The following NR3C2 variants were observed in gnomAD, a reference collection of about 807,000 sequenced individuals.
NR3C2 encodes mineralocorticoid receptor.
In NR3C2, 15 loss-of-function variants were observed where a neutral mutation model predicts 86.4. The ratio of observed to expected loss-of-function variants is 0.17; its 90% CI spans 0.12 to 0.27. The LOEUF (loss-of-function observed/expected upper bound fraction) is 0.27. NR3C2 is among the 10% of genes least tolerant of loss of function. The pLI is 1.00. For synonymous variants in NR3C2, 458 were observed against 450.5 expected (o/e 1.02, Z -0.21); for missense variants, 960 against 1,195.6 (o/e 0.80, Z 2.91).
intron 2 of NR3C2, among the ~76,000 whole-genome samples, chr4:148,276,503 C>T (rs1158988302): frequency 6.6e-6 from 1 of 152,120 alleles, no homozygotes; most frequent in Non-Finnish European, 1.5e-5. Flanking sequence ...TAAACTAATA[C>T]TGGTATTACA....
intron 3 of NR3C2, among the ~76,000 whole-genome samples, chr4:148,234,649 C>T (rs758735399): frequency 8.7e-4 from 128 of 147,818 alleles, no homozygotes; most frequent in Non-Finnish European, 1.6e-3. Context: ...CGCCACTGTA[C>T]TCCAACCTGG....
intron 2 of NR3C2, among the ~76,000 whole-genome samples, chr4:148,402,208 T>C (rs1223196688): frequency 1.3e-5 from 2 of 152,210 alleles, no homozygotes; most frequent in South Asian, 4.1e-4. Context: ...AATTACCTTC[T>C]AGGCTTTGAA....
In NR3C2 at chr4:148,362,560, G is replaced by A. The variant is rs532261360; in HGVS notation, c.1757+72544C>T. 6.2e-4 allele frequency among the ~76,000 whole-genome samples: 94 copies of A among 152,016 alleles called. 1 individual carries two copies. Among genetic ancestry groups the A allele is most frequent in the Non-Finnish European group, 1.0e-3 (71 of 67,996 alleles). ...TGTTCTATTATTTCCATTCACTTAC[G>A]GAATTGTACATATTCACTCCCGCTT... On this transcript the variant is annotated intron_variant, in intron 2 of 8. Transcript: ENST00000358102.
intron 3 of NR3C2, among the ~76,000 whole-genome samples, chr4:148,231,597 C>T (rs1738465833): frequency 6.6e-6 from 1 of 152,116 alleles, no homozygotes; most frequent in Admixed American, 6.6e-5. Context: ...AGAGTCTTGC[C>T]TCGATGTTGA....
intron 3 of NR3C2, among the ~76,000 whole-genome samples, chr4:148,195,262 G>A (rs1736387776): frequency 6.6e-6 from 1 of 152,118 alleles, no homozygotes; most frequent in African/African-American, 2.4e-5. Context: ...TGACTTCACT[G>A]GGATTTCATA....
chr4:148,351,423 G>A (rs1745268450), intron 2 of NR3C2, among the ~76,000 whole-genome samples: 1 of 152,178 alleles, frequency 6.6e-6, no homozygotes, highest in African/African-American at 2.4e-5. Flanking sequence ...GATTACAGGT[G>A]TGAGCCACCG....
intron 2 of NR3C2, among the ~76,000 whole-genome samples, chr4:148,315,336 A>T (rs531699484): frequency 6.6e-6 from 1 of 152,314 alleles, no homozygotes; most frequent in Admixed American, 6.5e-5. Context: ...CTGTGGCATC[A>T]ACTCCAAGGT....
chr4:148,296,215 T>A (rs1742046969), intron 2 of NR3C2, among the ~76,000 whole-genome samples: 1 of 152,070 alleles, frequency 6.6e-6, no homozygotes, highest in Admixed American at 6.5e-5. Context: ...ATTTTAAGAA[T>A]GAAAGTACAT....
intron 4 of NR3C2, among the ~76,000 whole-genome samples, chr4:148,191,527 G>A (rs1361007651): frequency 6.6e-6 from 1 of 152,182 alleles, no homozygotes; most frequent in Non-Finnish European, 1.5e-5. Flanking sequence ...GGATGTTGAA[G>A]TCTCCTGCAA....
chr4:148,365,171 C>T (rs1177843764), intron 2 of NR3C2, among the ~76,000 whole-genome samples: 3 of 152,128 alleles, frequency 2.0e-5, no homozygotes, highest in East Asian at 3.9e-4. Flanking sequence ...ACATATCTGG[C>T]ATGTGCAGAA....
chr4:148,333,084 G>A (rs899950893), intron 2 of NR3C2, among the ~76,000 whole-genome samples: 6 of 151,606 alleles, frequency 4.0e-5, no homozygotes, highest in African/African-American at 1.5e-4. Context: ...TGGGCAACAA[G>A]GAAAAACCCC....
intron 2 of NR3C2, among the ~76,000 whole-genome samples, chr4:148,379,945 T>C (rs1746880249): frequency 6.6e-6 from 1 of 152,148 alleles, no homozygotes; most frequent in Admixed American, 6.5e-5. Context: ...AAAAAGTTCA[T>C]AAAAATACAT....
chr4:148,433,374 C>T (rs1271987341), intron 2 of NR3C2, among the ~76,000 whole-genome samples: 1 of 151,996 alleles, frequency 6.6e-6, no homozygotes, highest in Non-Finnish European at 1.5e-5. Flanking sequence ...TGAGTTTAAT[C>T]ATAAGAGATT....
upstream of NR3C2, chr4:148,443,869 C>A: frequency 2.3e-6 from 1 of 436,652 alleles, no homozygotes; most frequent in Non-Finnish European, 3.0e-6. Context: ...ACCCCTAACC[C>A]AGGGCTGAGA....
intron 2 of NR3C2, among the ~76,000 whole-genome samples, chr4:148,331,383 A>C (rs913256761): frequency 2.0e-5 from 3 of 152,336 alleles, no homozygotes; most frequent in Middle Eastern, 3.4e-3. Context: ...TACATCCATC[A>C]ACATAATGGT....
intron 4 of NR3C2, among the ~76,000 whole-genome samples, chr4:148,186,477 CTGAGTT>C (rs766282433): frequency 8.8e-4 from 133 of 151,920 alleles, no homozygotes; most frequent in Non-Finnish European, 1.5e-3. Flanking sequence ...TTTATAGCTT[CTGAGTT>C]TATTTCATAT....
chr4:148,357,799 G>A (rs1337151895), intron 2 of NR3C2, among the ~76,000 whole-genome samples: 1 of 152,040 alleles, frequency 6.6e-6, no homozygotes, highest in African/African-American at 2.4e-5. Context: ...AGAGATGTCA[G>A]CCACTTTAGT....
intron 3 of NR3C2, among the ~76,000 whole-genome samples, chr4:148,250,834 T>C (rs1334429808): frequency 2.6e-5 from 4 of 152,198 alleles, no homozygotes; most frequent in Admixed American, 1.3e-4. Context: ...AAGGTTGCCA[T>C]CATTCCTCAG....
At chr4:148,249,212 C>T (rs560855260) in intron 3 of NR3C2, among the ~76,000 whole-genome samples, 1 of 151,886 alleles carries the variant, frequency 6.6e-6, no homozygotes, top group Non-Finnish European at 1.5e-5. Context: ...AATCTCCAAA[C>T]TAAAGCCCTA....
Sources: gnomAD v4.1 joint callset for allele counts (sites outside exome capture counted in the v4.1 genomes callset) on GRCh38, gnomAD v4.1.1 for gene constraint, MANE v1.5 for transcripts, NCBI Gene and HGNC (gene_info 2026-07-23, HGNC 2026-07-21) for gene names.